Variants in C4orf33 observed in about 807,000 individuals in gnomAD.
C4orf33 encodes chromosome 4 open reading frame 33, also known as UPF0462 protein C4orf33.
Under a neutral mutation model 24.3 loss-of-function variants are expected in C4orf33, and 20 were observed. The observed-to-expected ratio is 0.82, with a 90% CI of 0.58 to 1.19. The LOEUF is 1.19. Ranked by LOEUF, C4orf33 falls within the 50% of genes most tolerant of loss-of-function variation. The pLI, the probability that C4orf33 is intolerant of heterozygous loss-of-function variation, is 0.00. For missense variants in C4orf33, 207 were observed against 225.9 expected (o/e 0.92, Z 0.54); for synonymous variants, 67 against 76.4 (o/e 0.88, Z 0.64).
chr4:129,110,114 A>G (rs767012671), intron 5 of C4orf33: 28 of 592,808 alleles, frequency 4.7e-5, no homozygotes, highest in Admixed American at 5.9e-5. Flanking sequence ...GGATAAAAAT[A>G]TCAACTATGT....
At position 129,096,934 on chromosome 4, in the gene C4orf33, G is replaced by T. The variant is rs372752709; in HGVS notation, c.-10+725G>T. On this transcript the variant is annotated intron_variant, in intron 1 of 5. Transcript: ENST00000425929. ...TAAAATATATATATTTTTTTGAGAC[G>T]GAGTCTTGCTCTGTTGCCAGGCTGG... Among the ~76,000 whole-genome samples the T allele has an allele frequency of 1.3e-4, 20 of 152,112 alleles. No homozygotes were observed. In the East Asian group the frequency reaches 2.5e-3, roughly 19 times the overall value.
At chr4:129,105,416 T>C (rs890651446) in intron 2 of C4orf33, among the ~76,000 whole-genome samples, 1 of 152,152 alleles carries the variant, frequency 6.6e-6, no homozygotes, top group African/African-American at 2.4e-5. Flanking sequence ...TAGAATAATA[T>C]GTTACAAAAT....
intron 2 of C4orf33, among the ~76,000 whole-genome samples, chr4:129,103,903 A>AT (rs1753439341): frequency 6.6e-6 from 1 of 152,136 alleles, no homozygotes; most frequent in Non-Finnish European, 1.5e-5. Context: ...GTAAGCACAC[A>AT]TTTTGTCAGT....
chr4:129,102,203 T>C (rs1343326935), intron 1 of C4orf33: 1 of 153,844 alleles, frequency 6.5e-6, no homozygotes, highest in African/African-American at 2.4e-5. Context: ...TTAAGTATAT[T>C]AACAATTTTT....
chr4:129,095,560 A>G (rs752783598), upstream of C4orf33, among the ~76,000 whole-genome samples: 6 of 152,250 alleles, frequency 3.9e-5, no homozygotes, highest in Non-Finnish European at 7.3e-5. Flanking sequence ...TTTCTGCAAT[A>G]AAGAAAACCC....
intron 5 of C4orf33, among the ~76,000 whole-genome samples, chr4:129,110,654 G>A (rs1329836799): frequency 6.6e-6 from 1 of 152,102 alleles, no homozygotes; most frequent in Non-Finnish European, 1.5e-5. Context: ...GGAATGTGCT[G>A]CATCGTCCTT....
chr4:129,104,248 C>T (rs758540619), intron 2 of C4orf33, among the ~76,000 whole-genome samples: 57 of 152,324 alleles, frequency 3.7e-4, no homozygotes, highest in Non-Finnish European at 6.9e-4. Flanking sequence ...TCCTCTAACT[C>T]AGTATCTCCT....
intron 3 of C4orf33, among the ~76,000 whole-genome samples, chr4:129,108,894 CTT>C (rs35892501): frequency 6.8e-6 from 1 of 147,662 alleles, no homozygotes. Flanking sequence ...AATATTGCAT[CTT>C]TTTTTTTTTG....
At chr4:129,109,268 T>A (rs757835660) in intron 3 of C4orf33, 39 bp from the exon 4 acceptor site, 5 of 1,574,116 alleles carry the variant, frequency 3.2e-6, no homozygotes, top group Non-Finnish European at 4.4e-6. Context: ...ATAACATTCA[T>A]GTTTTTCAAA....
At chr4:129,095,228 C>T (rs1317836388), upstream of C4orf33, among the ~76,000 whole-genome samples, 1 of 152,086 alleles carries the variant, frequency 6.6e-6, no homozygotes, top group Admixed American at 6.5e-5. Flanking sequence ...TTCACTTATC[C>T]TTAAAGGATC....
chr4:129,104,011 T>C (rs568076730), intron 2 of C4orf33, among the ~76,000 whole-genome samples: 1 of 152,322 alleles, frequency 6.6e-6, no homozygotes, highest in African/African-American at 2.4e-5. Flanking sequence ...TGACTTACCT[T>C]CTAGAGGCAC....
At position 129,116,556 on chromosome 4, in the gene C4orf33, A is replaced by G. The variant is rs1753779902; in HGVS notation, c.*4765A>G. 1 of 152,250 alleles carries G rather than the reference A, an allele frequency of 6.6e-6. No homozygotes were observed. Among genetic ancestry groups the G allele is most frequent in the Admixed American group, 6.5e-5 (1 of 15,284 alleles). 9.4% of individuals were successfully genotyped at this position (152,250 alleles called of 1,614,324 possible). The stretch of plus-strand genomic sequence containing the variant: ...AGTACCTAGAGTATATATTTTGAAG[A>G]GATAGCTTTGCTGAAATAGAAAACC... On this transcript the variant is annotated 3_prime_UTR_variant, in exon 6 of 6. Transcript: ENST00000425929.
intron 1 of C4orf33, among the ~76,000 whole-genome samples, chr4:129,101,220 T>G (rs1753341845): frequency 6.6e-6 from 1 of 152,180 alleles, no homozygotes; most frequent in Admixed American, 6.5e-5. Flanking sequence ...TTAGAGGTCT[T>G]GGATTTCTTA....
chr4:129,099,853 CT>C (rs2125799205), intron 1 of C4orf33, among the ~76,000 whole-genome samples: 1 of 151,870 alleles, frequency 6.6e-6, no homozygotes, highest in African/African-American at 2.4e-5. Flanking sequence ...ACGGACTATA[CT>C]TTTTAGGTTA....
intron 3 of C4orf33, among the ~76,000 whole-genome samples, chr4:129,107,721 T>C (rs1303249652): frequency 2.6e-5 from 4 of 152,034 alleles, no homozygotes; most frequent in African/African-American, 9.6e-5. Context: ...AAATTTCAAC[T>C]ATTGTGTGCT....
chr4:129,097,285 TA>T (rs1416649979), intron 1 of C4orf33, among the ~76,000 whole-genome samples: 1 of 152,218 alleles, frequency 6.6e-6, no homozygotes, highest in Non-Finnish European at 1.5e-5. Context: ...GATAGGTTTT[TA>T]AAAAGTGATG....
intron 1 of C4orf33, among the ~76,000 whole-genome samples, chr4:129,101,255 G>T (rs1753342784): frequency 6.6e-6 from 1 of 152,126 alleles, no homozygotes; most frequent in African/African-American, 2.4e-5. Context: ...TGTACATTTG[G>T]ATCTCCCACT....
In C4orf33 at chr4:129,116,147, T is replaced by C. The variant is rs1753774149; in HGVS notation, c.*4356T>C. ...AAAGTGAGGGGTGTCTGTGCATATT[T>C]TATTTTATTTCATAATAAATAACCA... On this transcript the variant is annotated 3_prime_UTR_variant, in exon 6 of 6. Transcript: ENST00000425929. 1 of 151,992 alleles carries C rather than the reference T, an allele frequency of 6.6e-6. No individual in the cohort carries two copies. Among genetic ancestry groups the C allele is most frequent in the South Asian group, 2.1e-4 (1 of 4,836 alleles). 9.4% of individuals were successfully genotyped at this position (151,992 alleles called of 1,614,324 possible). A position where few individuals can be genotyped will look rare whatever the true frequency, so the allele number is the denominator to read the frequency against.
rs1753289236 is a variant in C4orf33, at chr4:129,099,394, CTTTG to C, written c.-10+3188_-10+3191del. On this transcript the variant is annotated intron_variant, in intron 1 of 5. Transcript: ENST00000425929. ...TGAAGGGAATTTCTGGGCTTATTATCTTTGTTATTAGCCATTGTATTGATCTGAT... is the reference window on the plus strand; with the variant it reads ...TGAAGGGAATTTCTGGGCTTATTATCTTATTAGCCATTGTATTGATCTGAT... 2.0e-5 allele frequency among the ~76,000 whole-genome samples: 3 copies of C among 152,098 alleles called. No individual in the cohort carries two copies. The South Asian group carries it at 6.2e-4, about 32-fold the overall frequency.
Sources: gnomAD v4.1 joint callset for allele counts (sites outside exome capture counted in the v4.1 genomes callset) on GRCh38, gnomAD v4.1.1 for gene constraint, MANE v1.5 for transcripts, NCBI Gene and HGNC (gene_info 2026-07-23, HGNC 2026-07-21) for gene names.